The following NPAT variants were observed in gnomAD, a reference collection of about 807,000 sequenced individuals.
NPAT encodes the protein nuclear protein, coactivator of histone transcription.
NPAT carries 52 observed loss-of-function variants against 130.7 expected under a neutral mutation model. The observed-to-expected ratio is 0.40, with a 90% CI of 0.32 to 0.50. NPAT has a LOEUF of 0.50. NPAT is among the 20% of genes least tolerant of loss of function. The probability of loss-of-function intolerance (pLI) is 0.68; values close to 1 mark genes in which losing one functional copy is unlikely to be tolerated. For synonymous variants in NPAT, 580 were observed against 584.8 expected (o/e 0.99, Z 0.12); for missense variants, 1,687 against 1,662.6 (o/e 1.01, Z -0.26).
In NPAT at chr11:108,215,104, T is replaced by C. The variant is rs563781210; in HGVS notation, c.37+7396A>G. On this transcript the variant is annotated intron_variant, in intron 1 of 17. Coordinates refer to ENST00000278612, the MANE Select transcript of NPAT (RefSeq NM_002519.3). ...CATTGTTTATTCTATTTCCTTTGCT[T>C]GGGCAGCTAATCTTTTCTTAACCTA... Among the ~76,000 whole-genome samples the C allele has an allele frequency of 2.0e-5, 3 of 152,346 alleles. No homozygotes were observed. In the South Asian group the frequency reaches 6.2e-4, roughly 32 times the overall value.
intron 1 of NPAT, among the ~76,000 whole-genome samples, chr11:108,221,737 GT>G (rs2078503354): frequency 6.6e-6 from 1 of 152,102 alleles, no homozygotes; most frequent in South Asian, 2.1e-4. Flanking sequence ...GTCCCCTGTA[GT>G]ACAATCCTCT....
intron 1 of NPAT, among the ~76,000 whole-genome samples, chr11:108,209,988 A>C (rs1214343746): frequency 6.6e-6 from 1 of 151,884 alleles, no homozygotes; most frequent in East Asian, 1.9e-4. Flanking sequence ...AGTATACATA[A>C]ATGAAACAAA....
At chr11:108,169,019 G>C (rs1012372601) in intron 15 of NPAT, among the ~76,000 whole-genome samples, 2 of 151,934 alleles carry the variant, frequency 1.3e-5, no homozygotes, top group African/African-American at 4.8e-5. Flanking sequence ...GTATTTTAGG[G>C]AAAAAAAGTC....
At chr11:108,207,542 G>C (rs11212550) in intron 1 of NPAT, among the ~76,000 whole-genome samples, 3,297 of 152,354 alleles carry the variant, frequency 0.022, 121 homozygotes, top group African/African-American at 0.075. Context: ...TCAAAGTCCA[G>C]AGGGGGACCG....
rs1301446578 is a variant in NPAT, at chr11:108,173,605, T to C, written c.1379A>G (p.Asn460Ser). 1.2e-6 allele frequency: 2 copies of C among 1,614,208 alleles called. No homozygotes were observed. Among genetic ancestry groups the C allele is most frequent in the Non-Finnish European group, 1.7e-6 (2 of 1,180,022 alleles). ...AGCACAATGTGGATTACATTCAGCATTAGAATTCCCTCTTTGGTTAAAGTC... is the reference window on the plus strand; with the variant it reads ...AGCACAATGTGGATTACATTCAGCACTAGAATTCCCTCTTTGGTTAAAGTC... ...LNDFNQRGNS[N>S]AECNPHCAEL... is the part of the protein sequence containing the mutation. Residue 460 changes from asparagine to serine, a missense_variant, in exon 13 of 18, where the codon AAT (asparagine) becomes AGT (serine). Around this residue, in one of 3 missense-constraint regions of NPAT, gnomAD observed 1,379 missense variants for 1,346.6 expected, o/e 1.02. Transcript: ENST00000278612.
In NPAT at chr11:108,172,538, T is replaced by G. The variant is rs34027029; in HGVS notation, c.2446A>C (p.Thr816Pro). 27 of 1,614,110 alleles carry G rather than the reference T, an allele frequency of 1.7e-5. No homozygotes were observed. The highest frequency in any genetic ancestry group is 1.6e-4 in the Middle Eastern group (1 of 6,084). The part of the protein sequence containing the change: ...DSASMEQSLL[T>P]FKSEDSAVNN... ...ACTGCAGAGTCTTCAGATTTGAATG[T>G]TAAAAGACTCTGTTCCATTGAGGCT... Residue 816 changes from threonine (T) to proline (P), a missense_variant, in exon 13 of 18, where the codon ACA becomes CCA. Physicochemically the swap from Thr to Pro is conservative, Grantham distance 38. Coordinates refer to ENST00000278612, the MANE Select transcript of NPAT (RefSeq NM_002519.3).
At position 108,172,388 on chromosome 11, in the gene NPAT, T is replaced by C; in HGVS notation, c.2596A>G (p.Ile866Val). 5 of 1,614,216 alleles carry C rather than the reference T, an allele frequency of 3.1e-6. No individual in the cohort carries two copies. Among genetic ancestry groups the C allele is most frequent in the Non-Finnish European group, 4.2e-6 (5 of 1,180,036 alleles). ...TCAGTCACACAGGTAGCTATCAGAA[T>C]GTTATTTGAATTGCCAAAAGCTGTG... ...TSTAFGNSNN[I>V]LIATCVTDPT... is the part of the protein sequence containing the mutation. Residue 866 changes from isoleucine (I) to valine (V), a missense_variant, in exon 13 of 18, where the codon ATT becomes GTT. Physicochemically the swap from Ile to Val is conservative, Grantham distance 29 (BLOSUM62 3). Transcript: ENST00000278612.
At chr11:108,178,409 CTTATTA>C (rs945512745) in intron 10 of NPAT, among the ~76,000 whole-genome samples, 12 of 151,920 alleles carry the variant, frequency 7.9e-5, no homozygotes, top group African/African-American at 2.9e-4. Flanking sequence ...AATTTTGCAC[CTTATTA>C]TTATTTTTGT....
In NPAT at chr11:108,161,774, G is replaced by A. The variant is rs1253612801; in HGVS notation, c.3312C>T (p.Ser1104=). The A allele has an allele frequency of 8.1e-6, 13 of 1,613,724 alleles. No homozygotes were observed. The highest frequency in any genetic ancestry group is 1.1e-5 in the Non-Finnish European group (13 of 1,180,038). ...SFPNLDSPNV[S]STLKPPSNNA... ...TATTAGAAGGGGGTTTTAAGGTGGAGGACACATTGGGTGAGTCAAGATTAG... is the reference window on the plus strand; with the variant it reads ...TATTAGAAGGGGGTTTTAAGGTGGAAGACACATTGGGTGAGTCAAGATTAG... The change falls in exon 17 of 18, where the codon TCC becomes TCT. Residue 1104 remains serine, a synonymous_variant. Transcript: ENST00000278612.
intron 11 of NPAT, among the ~76,000 whole-genome samples, chr11:108,176,623 G>A (rs765982005): frequency 4.6e-5 from 7 of 152,120 alleles, no homozygotes; most frequent in Non-Finnish European, 7.4e-5. Flanking sequence ...TTGTTGGTTT[G>A]GGGGACTATA....
intron 1 of NPAT, among the ~76,000 whole-genome samples, chr11:108,215,780 T>A (rs2078430965): frequency 6.6e-6 from 1 of 152,200 alleles, no homozygotes; most frequent in Non-Finnish European, 1.5e-5. Context: ...TCCAACCTCT[T>A]GCTAACTAAT....
intron 6 of NPAT, 106 bp downstream of exon 6, chr11:108,189,000 G>C: frequency 1.2e-6 from 1 of 864,864 alleles, no homozygotes; most frequent in Middle Eastern, 3.3e-4. Flanking sequence ...CATCTTTTAT[G>C]GGGGGGGCCA....
Position 108,190,437 on chromosome 11 carries a change from ATTGTTTAAAG to A in NPAT, c.331+13_331+22del, listed in dbSNP as rs1311405941. 6.2e-7 allele frequency: 1 copy of A among 1,600,276 alleles called. No homozygotes were observed. The highest frequency in any genetic ancestry group is 8.6e-7 in the Non-Finnish European group (1 of 1,167,466). ...GTTTAAGTTTGAAGTAATTGTGAACATTGTTTAAAGTTGGATACCAACCTCTCTGACTGCC... is the reference window on the plus strand; with the variant it reads ...GTTTAAGTTTGAAGTAATTGTGAACATTGGATACCAACCTCTCTGACTGCC... On this transcript the variant is annotated intron_variant, in intron 5 of 17. Transcript: ENST00000278612.
At chr11:108,160,769 T>C (rs1390841844) in intron 17 of NPAT, 111 bp downstream of exon 17, 1 of 926,708 alleles carries the variant, frequency 1.1e-6, no homozygotes, top group Non-Finnish European at 1.7e-6. Context: ...AACTAAAAGC[T>C]GTCTTAGCCA....
intron 1 of NPAT, among the ~76,000 whole-genome samples, chr11:108,213,910 C>T (rs957362122): frequency 6.6e-6 from 1 of 152,020 alleles, no homozygotes; most frequent in African/African-American, 2.4e-5. Context: ...TTTTCAGAGA[C>T]AGAGTCTTGC....
intron 2 of NPAT, among the ~76,000 whole-genome samples, chr11:108,194,972 C>T (rs1035016762): frequency 2.6e-5 from 4 of 152,092 alleles, no homozygotes; most frequent in Non-Finnish European, 4.4e-5. Context: ...TACAGGCGCA[C>T]GCCATCATGC....
At chr11:108,185,367 A>G (rs2134856280) in intron 9 of NPAT, 36 bp downstream of exon 9, 8 of 1,577,204 alleles carry the variant, frequency 5.1e-6, no homozygotes, top group Non-Finnish European at 5.2e-6. Context: ...GCAATTAGGC[A>G]AAAACAATTA....
Position 108,173,048 on chromosome 11 carries a change from G to A in NPAT, c.1936C>T (p.His646Tyr), listed in dbSNP as rs1256256506. The A allele has an allele frequency of 6.2e-7, 1 of 1,613,898 alleles. No homozygotes were observed. Among genetic ancestry groups the A allele is most frequent in the Non-Finnish European group, 8.5e-7 (1 of 1,179,986 alleles). The change falls in exon 13 of 18, where the codon CAT becomes TAT. Residue 646 changes from histidine (H) to tyrosine (Y), a missense_variant. His to Tyr is a moderately conservative substitution (Grantham distance 83). Transcript: ENST00000278612. ...SNDSASVELN[H>Y]TENEAQASKS... ...GATGCCTGAGCTTCATTTTCTGTAT[G>A]ATTTAACTCAACAGATGCTGAATCA... is the stretch of plus-strand genomic sequence containing the variant.
chr11:108,161,322 G>A lies in NPAT; in HGVS notation c.3764C>T (p.Ser1255Leu). Residue 1255 changes from serine to leucine, a missense_variant, in exon 17 of 18, where the codon TCA becomes TTA. Transcript: ENST00000278612. ...ACTACTATCAGCAAGCCTACTTACTGAGCTGTGCCTCTGTATATCCTGTAA... is the reference window on the plus strand; with the variant it reads ...ACTACTATCAGCAAGCCTACTTACTAAGCTGTGCCTCTGTATATCCTGTAA... ...EMLQDIQRHSSVSRLADSSDL... is the reference protein window; with the variant it reads ...EMLQDIQRHSLVSRLADSSDL... 7 of 1,614,160 alleles carry A rather than the reference G, an allele frequency of 4.3e-6. No individual in the cohort carries two copies. Among genetic ancestry groups the A allele is most frequent in the Non-Finnish European group, 5.9e-6 (7 of 1,180,024 alleles).
Sources: gnomAD v4.1 joint callset for allele counts (sites outside exome capture counted in the v4.1 genomes callset) on GRCh38, gnomAD v4.1.1 for gene constraint, gnomAD v4.1.1 regional missense constraint, MANE v1.5 for transcripts, NCBI Gene and HGNC (gene_info 2026-07-23, HGNC 2026-07-21) for gene names.